Variants in MUSK observed in about 807,000 individuals in gnomAD.
MUSK encodes muscle associated receptor tyrosine kinase, also known as muscle, skeletal receptor tyrosine-protein kinase.
Under a neutral mutation model 88.7 loss-of-function variants are expected in MUSK, and 55 were observed. The ratio of observed to expected loss-of-function variants is 0.62; its 90% CI spans 0.50 to 0.78. MUSK has a LOEUF of 0.78. Ranked by LOEUF, MUSK falls within the 30% of genes least tolerant of loss-of-function variation. The pLI is 0.00. For missense variants in MUSK, 1,015 were observed against 1,074.3 expected, an observed-to-expected ratio of 0.94 and a Z score of 0.77; for synonymous variants, 387 against 391.9, an observed-to-expected ratio of 0.99 and a Z score of 0.15.
At chr9:110,724,448 A>C (rs1175157213) in intron 5 of MUSK, among the ~76,000 whole-genome samples, 4 of 152,008 alleles carry the variant, frequency 2.6e-5, no homozygotes, top group African/African-American at 9.7e-5. Flanking sequence ...TTAGGACTCT[A>C]TTCTGTAATG....
intron 14 of MUSK, among the ~76,000 whole-genome samples, chr9:110,797,162 CAAAAAAAAAAAAAA>C (rs34924295): frequency 6.0e-5 from 1 of 16,806 alleles, no homozygotes; most frequent in Admixed American, 8.7e-4. Context: ...CATGAATACC[CAAAAAAAAAAAAAA>C]AAAAAAAAAA....
At chr9:110,766,301 G>A (rs566447264) in intron 8 of MUSK, among the ~76,000 whole-genome samples, 295 of 152,266 alleles carry the variant, frequency 1.9e-3, no homozygotes, top group Non-Finnish European at 3.4e-3. Context: ...TTGGGGTGTC[G>A]TTTACTGAGC....
intron 1 of MUSK, among the ~76,000 whole-genome samples, chr9:110,678,895 T>TTTG (rs5899910): frequency 0.7 from 105,663 of 151,482 alleles, 38,260 homozygotes; most frequent in African/African-American, 0.87. Context: ...ATTGGGATTT[T>TTTG]TTGTTTTTTT....
intron 5 of MUSK, among the ~76,000 whole-genome samples, chr9:110,733,492 TCTTA>T (rs1453728437): frequency 6.6e-6 from 1 of 152,042 alleles, no homozygotes; most frequent in East Asian, 1.9e-4. Flanking sequence ...AATAACCTCC[TCTTA>T]CTTAATCAGT....
chr9:110,695,606 A>T lies in MUSK; in HGVS notation c.486+76A>T, dbSNP rs575339372. Reference sequence around the variant, plus strand: ...AACATTTCTTTACACACTCAGTTACACACTTACAAACTTCTAGTATAAAGT... The same window carrying T: ...AACATTTCTTTACACACTCAGTTACTCACTTACAAACTTCTAGTATAAAGT... On this transcript the variant is annotated intron_variant, in intron 4 of 14. Transcript: ENST00000374448. The T allele has an allele frequency of 1.9e-5, 22 of 1,173,204 alleles. No individual in the cohort carries two copies. The African/African-American group carries it at 2.4e-4, about 13-fold the overall frequency. 72.7% of individuals were successfully genotyped at this position (1,173,204 alleles called of 1,614,324 possible).
At chr9:110,709,333 G>A (rs544946845) in intron 5 of MUSK, among the ~76,000 whole-genome samples, 6 of 152,242 alleles carry the variant, frequency 3.9e-5, no homozygotes, top group African/African-American at 1.4e-4. Flanking sequence ...TTAATAACAT[G>A]GGTGGTAGGA....
In MUSK at chr9:110,800,761, ATCT is replaced by A; in HGVS notation, c.2387_2389del (p.Phe796del). Reference sequence around the variant, plus strand: ...GGCCTATGGCGTGGTCCTCTGGGAGATCTTCTCCTATGGCCTGCAGCCCTACTA... The same window carrying A: ...GGCCTATGGCGTGGTCCTCTGGGAGATCTCCTATGGCCTGCAGCCCTACTA... On this transcript the variant is annotated inframe_deletion, in exon 15 of 15. Transcript: ENST00000374448. 2 of 1,613,890 alleles carry A rather than the reference ATCT, an allele frequency of 1.2e-6. No individual in the cohort carries two copies. Among genetic ancestry groups the A allele is most frequent in the East Asian group, 2.2e-5 (1 of 44,872 alleles).
intron 11 of MUSK, among the ~76,000 whole-genome samples, chr9:110,777,573 A>C (rs182489319): frequency 1.1e-4 from 16 of 152,258 alleles, no homozygotes; most frequent in African/African-American, 3.8e-4. Flanking sequence ...GGAATAAAAA[A>C]AAATTTCAAT....
At chr9:110,679,819 G>GTTA (rs386415866) in intron 1 of MUSK, among the ~76,000 whole-genome samples, 116 of 151,694 alleles carry the variant, frequency 7.6e-4, no homozygotes, top group South Asian at 2.5e-3. Flanking sequence ...CTGTCCTCTT[G>GTTA]TTTATGGCAA....
At chr9:110,770,584 A>G (rs1335959074) in intron 9 of MUSK, among the ~76,000 whole-genome samples, 1 of 150,480 alleles carries the variant, frequency 6.6e-6, no homozygotes, top group Non-Finnish European at 1.5e-5. Flanking sequence ...ACATGTAAAT[A>G]CCATTTAGAA....
intron 11 of MUSK, among the ~76,000 whole-genome samples, chr9:110,781,564 C>T (rs2132010985): frequency 6.6e-6 from 1 of 152,240 alleles, no homozygotes; most frequent in Admixed American, 6.5e-5. Context: ...GCGTGAGCTA[C>T]TGCTCCCAGC....
At chr9:110,676,364 T>TATATATTATATATTATATATTATATATA (rs777356764) in intron 1 of MUSK, among the ~76,000 whole-genome samples, 2 of 124,358 alleles carry the variant, frequency 1.6e-5, no homozygotes, top group African/African-American at 2.7e-5. Context: ...TATTATATAT[T>TATATATTATATATTATATATTATATATA]ATATATGTGT....
intron 7 of MUSK, chr9:110,761,882 G>T (rs1326211270): frequency 5.1e-6 from 5 of 985,074 alleles, no homozygotes; most frequent in Admixed American, 1.2e-4. Context: ...CCCACATCTT[G>T]ATTTCTTAAT....
At chr9:110,750,368 C>A (rs921641993) in intron 7 of MUSK, among the ~76,000 whole-genome samples, 1 of 152,114 alleles carries the variant, frequency 6.6e-6, no homozygotes, top group African/African-American at 2.4e-5. Context: ...TGCTAACCCC[C>A]GGATCTCTAG....
chr9:110,685,193 C>G lies in MUSK; in HGVS notation c.207-1924C>G, dbSNP rs151320650. Among the ~76,000 whole-genome samples, 270 of 152,100 alleles carry G rather than the reference C, an allele frequency of 1.8e-3. 2 individuals carry two copies. In the East Asian group the frequency reaches 0.044, roughly 25 times the overall value. On this transcript the variant is annotated intron_variant, in intron 2 of 14. Coordinates refer to ENST00000374448, the MANE Select transcript of MUSK (RefSeq NM_005592.4). ...AGGGATGCTGAATTTTTATCAAATG[C>G]TTTTTCAGCATATATTGAAATAATC... is the stretch of plus-strand genomic sequence containing the variant.
At chr9:110,786,391 A>G (rs1489529822) in intron 13 of MUSK, among the ~76,000 whole-genome samples, 1 of 152,022 alleles carries the variant, frequency 6.6e-6, no homozygotes, top group East Asian at 1.9e-4. Flanking sequence ...ATACACTTCA[A>G]ATCTTAATTT....
At chr9:110,715,805 G>C (rs1195967655) in intron 5 of MUSK, among the ~76,000 whole-genome samples, 3 of 149,308 alleles carry the variant, frequency 2.0e-5, no homozygotes, top group African/African-American at 7.7e-5. Flanking sequence ...AAAGGAAAGA[G>C]ATCATGCCCT....
At chr9:110,722,316 G>A (rs1274394694) in intron 5 of MUSK, among the ~76,000 whole-genome samples, 1 of 152,090 alleles carries the variant, frequency 6.6e-6, no homozygotes. Context: ...GATCACTTAA[G>A]GTCAGGAGTT....
At position 110,781,256 on chromosome 9, in the gene MUSK, T is replaced by TTTTTGTTTTG. The variant is rs148739068; in HGVS notation, c.1385-3530_1385-3521dup. ...TCCCACACACACGTTTGTGTGTGTTTTTTTGTTTTGTTTTGTTTTGTTTTG... is the reference window on the plus strand; with the variant it reads ...TCCCACACACACGTTTGTGTGTGTTTTTTTGTTTTGTTTTGTTTTGTTTTGTTTTGTTTTG... On this transcript the variant is annotated intron_variant, in intron 11 of 14. Transcript: ENST00000374448. Among the ~76,000 whole-genome samples, 455 of 146,294 alleles carry TTTTTGTTTTG rather than the reference T, an allele frequency of 3.1e-3. 1 individual carries two copies. Among genetic ancestry groups the TTTTTGTTTTG allele is most frequent in the African/African-American group, 0.011 (434 of 40,076 alleles).
Sources: gnomAD v4.1 joint callset for allele counts (sites outside exome capture counted in the v4.1 genomes callset) on GRCh38, gnomAD v4.1.1 for gene constraint, MANE v1.5 for transcripts, NCBI Gene and HGNC (gene_info 2026-07-23, HGNC 2026-07-21) for gene names.